TRIB2: variants seen among roughly 807,000 people sequenced by gnomAD.
TRIB2 encodes tribbles pseudokinase 2, also known as tribbles homolog 2.
Under a neutral mutation model 26.8 loss-of-function variants are expected in TRIB2, and 2 were observed. The observed-to-expected ratio is 0.07, with a 90% CI of 0.03 to 0.24. The LOEUF (loss-of-function observed/expected upper bound fraction) is 0.24, where lower values mean the gene tolerates loss of function less well. Among genes scored for constraint, TRIB2 ranks in the 10% least tolerant of loss-of-function variants. The pLI, the probability that TRIB2 is intolerant of heterozygous loss-of-function variation, is 1.00. For synonymous variants in TRIB2, 189 were observed against 187.3 expected (o/e 1.01, Z -0.08); for missense variants, 306 against 449.0 (o/e 0.68, Z 2.88).
chr2:12,740,759 A>G lies in TRIB2; in HGVS notation c.997A>G (p.Asn333Asp), dbSNP rs1413971900. The change falls in exon 3 of 3, where the codon AAC becomes GAC. Residue 333 changes from asparagine (N) to aspartate (D), a missense_variant. By Grantham distance (23) the Asn-to-Asp change is conservative. This residue lies in a region of TRIB2 where 78 missense variants were observed against 104.9 expected (regional missense o/e 0.74). Transcript: ENST00000155926. The surrounding 1 kb of genome is among the most constrained non-coding windows in gnomAD (Gnocchi z 5.8). ...EVSDQLVPDV[N>D]MEENLDPFFN ...GTCTGACCAGCTGGTGCCGGACGTC[A>G]ACATGGAAGAGAACTTGGACCCTTT... 2 of 1,614,028 alleles carry G rather than the reference A, an allele frequency of 1.2e-6. No homozygotes were observed. Among genetic ancestry groups the G allele is most frequent in the African/African-American group, 2.7e-5 (2 of 74,906 alleles).
intron 2 of TRIB2, among the ~76,000 whole-genome samples, chr2:12,734,430 A>G (rs886071191): frequency 6.6e-6 from 1 of 152,104 alleles, no homozygotes; most frequent in Admixed American, 6.5e-5. Context: ...GGGAGGAACA[A>G]GTGCAAAAGA....
At chr2:12,727,911 G>C (rs551203274) in intron 2 of TRIB2, among the ~76,000 whole-genome samples, 1 of 152,124 alleles carries the variant, frequency 6.6e-6, no homozygotes, top group Non-Finnish European at 1.5e-5. Context: ...CCCAAAGTGC[G>C]TGCCCTGTGC....
Position 12,731,235 on chromosome 2 carries a change from G to C in TRIB2, c.563+7683G>C, listed in dbSNP as rs548458935. Among the ~76,000 whole-genome samples, 24 of 152,274 alleles carry C rather than the reference G, an allele frequency of 1.6e-4. No homozygotes were observed. In the South Asian group the frequency reaches 4.6e-3, roughly 29 times the overall value. Reference sequence around the variant, plus strand: ...GGCTTGAGTGCTGTAGTAGGGATGGGGAGGTCCCAGAAGGCATGAGTCAAG... The same window carrying C: ...GGCTTGAGTGCTGTAGTAGGGATGGCGAGGTCCCAGAAGGCATGAGTCAAG... On this transcript the variant is annotated intron_variant, in intron 2 of 2. Transcript: ENST00000155926.
chr2:12,719,960 A>G (rs998149078), intron 1 of TRIB2, among the ~76,000 whole-genome samples: 2 of 152,258 alleles, frequency 1.3e-5, no homozygotes, highest in Admixed American at 1.3e-4. Flanking sequence ...AAGGTTGCAC[A>G]ATAGGATAGT....
intron 2 of TRIB2, among the ~76,000 whole-genome samples, chr2:12,723,786 T>G (rs992964306): frequency 6.6e-6 from 1 of 152,240 alleles, no homozygotes; most frequent in African/African-American, 2.4e-5. Context: ...GGATATTCTG[T>G]GACCCAATGA....
At chr2:12,723,801 G>A (rs1041818959) in intron 2 of TRIB2, among the ~76,000 whole-genome samples, 9 of 152,212 alleles carry the variant, frequency 5.9e-5, no homozygotes, top group African/African-American at 2.2e-4. Flanking sequence ...CAATGAATAT[G>A]TATGATTAGG....
intron 2 of TRIB2, among the ~76,000 whole-genome samples, chr2:12,738,028 G>C (rs1048035772): frequency 2.0e-5 from 3 of 152,166 alleles, no homozygotes; most frequent in African/African-American, 7.2e-5. Context: ...TTGTTTGTTC[G>C]TTGGTGGAAA....
chr2:12,736,144 A>C (rs185245501), intron 2 of TRIB2, among the ~76,000 whole-genome samples: 171 of 152,222 alleles, frequency 1.1e-3, no homozygotes, highest in African/African-American at 4.0e-3. Context: ...TCAGAATCTA[A>C]AATTGTGACC....
intron 2 of TRIB2, chr2:12,724,717 C>T (rs1661299183): frequency 1.2e-6 from 2 of 1,612,864 alleles, no homozygotes; most frequent in Non-Finnish European, 1.7e-6. Flanking sequence ...CGTCTGTTTC[C>T]ACCCTCCCCC....
rs933658294 is a variant in TRIB2, at chr2:12,732,773, G to A, written c.564-7553G>A. Among the ~76,000 whole-genome samples the A allele has an allele frequency of 2.0e-5, 3 of 152,230 alleles. No homozygotes were observed. The highest frequency in any genetic ancestry group is 4.4e-5 in the Non-Finnish European group (3 of 68,038). On this transcript the variant is annotated intron_variant, in intron 2 of 2. Coordinates refer to ENST00000155926, the MANE Select transcript of TRIB2 (RefSeq NM_021643.4). The surrounding 1 kb of genome is among the most constrained non-coding windows in gnomAD (Gnocchi z 4.2). ...GCCCTTGGTAGCAGCCGCCCCGGGCGGGACCCTGGCTTTCACAGCTGGACT... is the reference window on the plus strand; with the variant it reads ...GCCCTTGGTAGCAGCCGCCCCGGGCAGGACCCTGGCTTTCACAGCTGGACT...
intron 2 of TRIB2, among the ~76,000 whole-genome samples, chr2:12,738,332 G>A (rs916364870): frequency 6.6e-6 from 1 of 152,160 alleles, no homozygotes; most frequent in Non-Finnish European, 1.5e-5. Context: ...CTTATTCAAT[G>A]CTTACTTGAG....
At chr2:12,724,969 C>T in intron 2 of TRIB2, 1 of 1,287,284 alleles carries the variant, frequency 7.8e-7, no homozygotes, top group Non-Finnish European at 1.0e-6. Context: ...TACCTCTTAC[C>T]ATAAGGTTAA....
At position 12,740,843 on chromosome 2, in the gene TRIB2, G is replaced by A. The variant is rs541749708; in HGVS notation, c.*49G>A. On this transcript the variant is annotated 3_prime_UTR_variant, in exon 3 of 3. Coordinates refer to ENST00000155926, the MANE Select transcript of TRIB2 (RefSeq NM_021643.4). This position sits in a 1 kb window ranked among gnomAD's most constrained non-coding sequence, Gnocchi z 5.8. ...CAGGTTCCAGGAGTGAGCGAGGGCA[G>A]CGGAAAGGAGTTCTTCCGGGGGACA... 1.3e-6 allele frequency: 2 copies of A among 1,528,402 alleles called. No individual in the cohort carries two copies. The highest frequency in any genetic ancestry group is 8.9e-7 in the Non-Finnish European group (1 of 1,120,182). 94.7% of individuals were successfully genotyped at this position (1,528,402 alleles called of 1,614,324 possible).
chr2:12,738,228 G>A (rs62126067), intron 2 of TRIB2, among the ~76,000 whole-genome samples: 1 of 152,110 alleles, frequency 6.6e-6, no homozygotes, highest in Non-Finnish European at 1.5e-5. Context: ...GAAAGGCTAA[G>A]ACCTTCAGGC....
chr2:12,725,597 C>A (rs1281952781), intron 2 of TRIB2, among the ~76,000 whole-genome samples: 1 of 152,226 alleles, frequency 6.6e-6, no homozygotes, highest in Non-Finnish European at 1.5e-5. Context: ...AGCTTCCAAC[C>A]TCAGGAGTGT....
At chr2:12,722,149 G>C (rs1661233241) in intron 1 of TRIB2, among the ~76,000 whole-genome samples, 1 of 152,170 alleles carries the variant, frequency 6.6e-6, no homozygotes, top group Admixed American at 6.5e-5. Context: ...TTCCAGTCCA[G>C]CATATTTCCT....
At chr2:12,739,748 C>G (rs543287093) in intron 2 of TRIB2, among the ~76,000 whole-genome samples, 1 of 152,142 alleles carries the variant, frequency 6.6e-6, no homozygotes. Flanking sequence ...GGAAGTTACC[C>G]GAACTCTCTG....
At chr2:12,728,553 T>C (rs1661381288) in intron 2 of TRIB2, among the ~76,000 whole-genome samples, 4 of 152,242 alleles carry the variant, frequency 2.6e-5, no homozygotes, top group Admixed American at 2.6e-4. Context: ...GTGTTGACAT[T>C]TCCTTGCACA....
Position 12,732,208 on chromosome 2 carries a change from G to A in TRIB2, c.564-8118G>A, listed in dbSNP as rs1263815534. On this transcript the variant is annotated intron_variant, in intron 2 of 2. Coordinates refer to ENST00000155926, the MANE Select transcript of TRIB2 (RefSeq NM_021643.4). This position sits in a 1 kb window ranked among gnomAD's most constrained non-coding sequence, Gnocchi z 4.2. ...GTTCATCCAGGCACCATGGATGGGAGTCGGGCAGGAATGTGCACCTGCATG... is the reference window on the plus strand; with the variant it reads ...GTTCATCCAGGCACCATGGATGGGAATCGGGCAGGAATGTGCACCTGCATG... Among the ~76,000 whole-genome samples, 1 of 152,158 alleles carries A rather than the reference G, an allele frequency of 6.6e-6. No individual in the cohort carries two copies. Among genetic ancestry groups the A allele is most frequent in the African/African-American group, 2.4e-5 (1 of 41,428 alleles).
Sources: allele counts gnomAD v4.1 joint callset (sites outside exome capture counted in the v4.1 genomes callset), GRCh38; gene constraint gnomAD v4.1.1; regional missense constraint gnomAD v4.1.1; non-coding constraint Gnocchi (gnomAD v3.1); transcripts MANE v1.5; gene names NCBI Gene and HGNC (gene_info 2026-07-23, HGNC 2026-07-21).